CSMD3: variants seen among roughly 807,000 people sequenced by gnomAD.
CSMD3 encodes the protein CUB and Sushi multiple domains 3.
A neutral mutation model predicts 435.2 loss-of-function variants in CSMD3; 177 were observed. The observed-to-expected ratio is 0.41, with a 90% confidence interval of 0.36 to 0.46. CSMD3 has a LOEUF of 0.46. Ranked by LOEUF, CSMD3 falls within the 20% of genes least tolerant of loss-of-function variation. The pLI, the probability that CSMD3 is intolerant of heterozygous loss-of-function variation, is 0.34. For synonymous variants in CSMD3, 1,656 were observed against 1,520.5 expected (o/e 1.09, Z -2.07); for missense variants, 4,265 against 4,504.6 (o/e 0.95, Z 1.52).
chr8:113,332,969 T>A (rs530573909), intron 1 of CSMD3, among the ~76,000 whole-genome samples: 86 of 151,846 alleles, frequency 5.7e-4, no homozygotes, highest in African/African-American at 1.9e-3. Flanking sequence ...ATAAATATAG[T>A]TTTACATATA....
chr8:113,336,511 T>G (rs1273784511), intron 1 of CSMD3, among the ~76,000 whole-genome samples: 2 of 152,148 alleles, frequency 1.3e-5, no homozygotes, highest in Non-Finnish European at 2.9e-5. Context: ...AATCAGGATA[T>G]TTTCATATTA....
intron 1 of CSMD3, among the ~76,000 whole-genome samples, chr8:113,327,458 T>C (rs904345473): frequency 6.6e-6 from 1 of 152,120 alleles, no homozygotes; most frequent in African/African-American, 2.4e-5. Flanking sequence ...GAAAAACTGC[T>C]GAACCTTACT....
intron 13 of CSMD3, among the ~76,000 whole-genome samples, chr8:112,766,012 C>T (rs2077969946): frequency 1.3e-5 from 2 of 151,614 alleles, no homozygotes; most frequent in Non-Finnish European, 1.5e-5. Flanking sequence ...CCCCATACTG[C>T]TCTCACTTCC....
At chr8:113,058,244 T>A (rs2131353722) in intron 5 of CSMD3, among the ~76,000 whole-genome samples, 1 of 152,128 alleles carries the variant, frequency 6.6e-6, no homozygotes, top group South Asian at 2.1e-4. Context: ...TGTTTTTAAT[T>A]AGTTATATAT....
chr8:112,545,500 A>AAC, intron 27 of CSMD3, among the ~76,000 whole-genome samples: 1 of 142,850 alleles, frequency 7.0e-6, no homozygotes, highest in African/African-American at 2.6e-5. Flanking sequence ...AAAAAAAAAA[A>AAC]AAATAATAAT....
At chr8:113,107,300 G>C (rs2090508586) in intron 4 of CSMD3, among the ~76,000 whole-genome samples, 1 of 152,190 alleles carries the variant, frequency 6.6e-6, no homozygotes, top group Non-Finnish European at 1.5e-5. Context: ...GCTAAGTTTT[G>C]TGTAGAAAAG....
intron 55 of CSMD3, 55 bp downstream of exon 55, chr8:112,292,482 G>A (rs1196581237): frequency 6.4e-7 from 1 of 1,563,822 alleles, no homozygotes; most frequent in East Asian, 2.2e-5. Context: ...TGTCACTGAT[G>A]TTTATGTGAA....
In CSMD3 at chr8:112,653,940, G is replaced by C. The variant is rs562280431; in HGVS notation, c.3004+2214C>G. ...CCCAAAGTGTTGGGATTACAGGCGT[G>C]AGCCACCGCACCCAGCCAACCTTAT... On this transcript the variant is annotated intron_variant, in intron 18 of 70. Coordinates refer to ENST00000297405, the MANE Select transcript of CSMD3 (RefSeq NM_198123.2). Among the ~76,000 whole-genome samples the C allele has an allele frequency of 1.7e-3, 266 of 152,206 alleles. 1 individual carries two copies. Among genetic ancestry groups the C allele is most frequent in the African/African-American group, 6.0e-3 (250 of 41,536 alleles).
intron 2 of CSMD3, among the ~76,000 whole-genome samples, chr8:113,288,773 T>A (rs1646730639): frequency 6.6e-6 from 1 of 151,732 alleles, no homozygotes; most frequent in Non-Finnish European, 1.5e-5. Context: ...GAAAAAAAAA[T>A]TCATTCTGCT....
chr8:112,940,579 C>T (rs2083422276), intron 9 of CSMD3, among the ~76,000 whole-genome samples: 1 of 151,680 alleles, frequency 6.6e-6, no homozygotes, highest in Admixed American at 6.6e-5. Context: ...TCTTTGGCAG[C>T]ATTTCTCCCT....
chr8:112,363,940 C>T lies in CSMD3; in HGVS notation c.6137-11406G>A, dbSNP rs577041897. ...ATTTATGAATGTTGATGTGCATAAA[C>T]TAGTTAAAACAAGAAAATTAGTGTA... is the stretch of plus-strand genomic sequence containing the variant. On this transcript the variant is annotated intron_variant, in intron 38 of 70. Coordinates refer to ENST00000297405, the MANE Select transcript of CSMD3 (RefSeq NM_198123.2). Among the ~76,000 whole-genome samples the T allele has an allele frequency of 7.2e-5, 11 of 152,054 alleles. 1 individual carries two copies. The highest frequency in any genetic ancestry group is 2.6e-4 in the African/African-American group (11 of 41,544).
chr8:112,400,600 G>A (rs1831241538), intron 35 of CSMD3, among the ~76,000 whole-genome samples: 1 of 152,074 alleles, frequency 6.6e-6, no homozygotes, highest in African/African-American at 2.4e-5. Flanking sequence ...AAAGTAGGAA[G>A]TGAGTTCTGG....
intron 9 of CSMD3, among the ~76,000 whole-genome samples, chr8:112,922,629 A>G (rs112736654): frequency 0.034 from 5,129 of 151,878 alleles, 150 homozygotes; most frequent in Middle Eastern, 0.051. Flanking sequence ...AACATGTGAT[A>G]TTTGTCTTTC....
At chr8:112,793,086 C>T (rs1011800374) in intron 13 of CSMD3, among the ~76,000 whole-genome samples, 24 of 149,192 alleles carry the variant, frequency 1.6e-4, no homozygotes, top group African/African-American at 5.6e-4. Context: ...ATACAACTTA[C>T]TGTGTGTATA....
intron 13 of CSMD3, among the ~76,000 whole-genome samples, chr8:112,726,999 C>T (rs1228273201): frequency 6.6e-6 from 1 of 151,622 alleles, no homozygotes; most frequent in Non-Finnish European, 1.5e-5. Context: ...AAAATAAAGA[C>T]AAAAATGACT....
At chr8:112,487,844 G>A (rs757402863) in intron 31 of CSMD3, among the ~76,000 whole-genome samples, 29 of 152,240 alleles carry the variant, frequency 1.9e-4, no homozygotes, top group Non-Finnish European at 3.5e-4. Flanking sequence ...CTAATATTGA[G>A]TGAGATTATG....
At chr8:113,091,154 G>A (rs1394280827) in intron 5 of CSMD3, among the ~76,000 whole-genome samples, 3 of 152,050 alleles carry the variant, frequency 2.0e-5, no homozygotes, top group African/African-American at 7.2e-5. Context: ...TAGAAATTAT[G>A]ATTAAATTAA....
intron 31 of CSMD3, among the ~76,000 whole-genome samples, chr8:112,489,565 AG>A (rs554141971): frequency 1.1e-3 from 171 of 152,358 alleles, no homozygotes; most frequent in Admixed American, 3.9e-3. Context: ...TGACAGTGAC[AG>A]CCACAGACCA....
chr8:112,327,282 A>G (rs1823601288), intron 45 of CSMD3, among the ~76,000 whole-genome samples: 1 of 152,158 alleles, frequency 6.6e-6, no homozygotes, highest in African/African-American at 2.4e-5. Context: ...AAGAAAATAA[A>G]CAGGTCTGGT....
Sources: allele counts gnomAD v4.1 joint callset (sites outside exome capture counted in the v4.1 genomes callset), GRCh38; gene constraint gnomAD v4.1.1; transcripts MANE v1.5; gene names NCBI Gene and HGNC (gene_info 2026-07-23, HGNC 2026-07-21).